Variants in ZNF562 observed in about 807,000 individuals in gnomAD.
ZNF562 encodes zinc finger protein 562.
ZNF562 carries 13 observed loss-of-function variants against 17.5 expected under a neutral mutation model. That is an observed-to-expected ratio of 0.74 (90% CI 0.48 to 1.18). The LOEUF is 1.18. Ranked by LOEUF, ZNF562 falls within the 50% of genes most tolerant of loss-of-function variation. ZNF562 has a pLI of 0.00. For synonymous variants in ZNF562, 163 were observed against 165.4 expected (o/e 0.99, Z 0.11); for missense variants, 481 against 498.5 (o/e 0.96, Z 0.33).
Position 9,649,036 on chromosome 19 carries a change from T to C in ZNF562, c.*3913A>G, listed in dbSNP as rs1375132650. ...AGGGACCCCAAACGGGGGGACTGGC[T>C]GAAGCCATGGCAGAAAAACATGGAT... On this transcript the variant is annotated 3_prime_UTR_variant, in exon 6 of 6. Coordinates refer to ENST00000453372, the MANE Select transcript of ZNF562 (RefSeq NM_001130031.2). 2 of 152,302 alleles carry C rather than the reference T, an allele frequency of 1.3e-5. No individual in the cohort carries two copies. Among genetic ancestry groups the C allele is most frequent in the Non-Finnish European group, 2.9e-5 (2 of 68,044 alleles). The allele number at this position is 152,302 out of a possible 1,614,324, so 9.4% of individuals were successfully genotyped here.
At position 9,669,734 on chromosome 19, in the gene ZNF562, GCACACACACACACA is replaced by G. The variant is rs71188835; in HGVS notation, c.-131+5267_-131+5280del. Among the ~76,000 whole-genome samples the G allele has an allele frequency of 4.8e-4, 53 of 109,340 alleles. 1 individual carries two copies. Among genetic ancestry groups the G allele is most frequent in the East Asian group, 1.2e-3 (4 of 3,370 alleles). 71.7% of individuals were successfully genotyped at this position (109,340 alleles called of 152,430 possible). ...CGCGCGCGAGCGCGCGCGCGCGCGC[GCACACACACACACA>G]CACACACACACACACACACACACAC... is the stretch of plus-strand genomic sequence containing the variant. On this transcript the variant is annotated intron_variant, in intron 1 of 5. Coordinates refer to ENST00000453372, the MANE Select transcript of ZNF562 (RefSeq NM_001130031.2).
At chr19:9,674,956 C>A in intron 1 of ZNF562, 59 bp downstream of exon 1, 1 of 152,758 alleles carries the variant, frequency 6.5e-6, no homozygotes, top group Non-Finnish European at 1.5e-5. Context: ...CGACCACGCC[C>A]AATCCTTCCT....
chr19:9,660,610 GA>G (rs111723152), intron 2 of ZNF562, 109 bp downstream of exon 2: 83,750 of 875,850 alleles, frequency 0.096, 2 homozygotes, highest in East Asian at 0.16. Flanking sequence ...CCATCTAAAA[GA>G]AAAAAAAAAA....
intron 1 of ZNF562, among the ~76,000 whole-genome samples, chr19:9,672,547 A>C (rs546735983): frequency 6.6e-6 from 1 of 152,224 alleles, no homozygotes; most frequent in South Asian, 2.1e-4. Context: ...AAAATGTAAA[A>C]ACTACACTTA....
chr19:9,671,977 T>C (rs1384503412), intron 1 of ZNF562, among the ~76,000 whole-genome samples: 5 of 152,212 alleles, frequency 3.3e-5, no homozygotes, highest in African/African-American at 9.7e-5. Flanking sequence ...CAAACAACTG[T>C]TGTCAGCCTC....
Position 9,647,078 on chromosome 19 carries a change from T to TA in ZNF562, c.*5870dup, listed in dbSNP as rs1568251365. 6.7e-6 allele frequency: 1 copy of TA among 149,060 alleles called. No homozygotes were observed. Among genetic ancestry groups the TA allele is most frequent in the Admixed American group, 6.7e-5 (1 of 14,930 alleles). 9.2% of individuals were successfully genotyped at this position (149,060 alleles called of 1,614,324 possible). A position where few individuals can be genotyped will look rare whatever the true frequency, so the allele number is the denominator to read the frequency against. On this transcript the variant is annotated 3_prime_UTR_variant, in exon 6 of 6. Coordinates refer to ENST00000453372, the MANE Select transcript of ZNF562 (RefSeq NM_001130031.2). ...AAGCCGTGAAGCACCGTGCCCAACC[T>TA]AGTTGTCTTTTTTTTTTTTTTTGAG...
chr19:9,660,834 A>C lies in ZNF562; in HGVS notation c.-90T>G. 5.1e-6 allele frequency: 7 copies of C among 1,372,214 alleles called. No homozygotes were observed. Among genetic ancestry groups the C allele is most frequent in the Non-Finnish European group, 7.2e-6 (7 of 975,652 alleles). 85.0% of individuals were successfully genotyped at this position (1,372,214 alleles called of 1,614,324 possible). A position where few individuals can be genotyped will look rare whatever the true frequency, so the allele number is the denominator to read the frequency against. On this transcript the variant is annotated 5_prime_UTR_variant, in exon 2 of 6. Coordinates refer to ENST00000453372, the MANE Select transcript of ZNF562 (RefSeq NM_001130031.2). ...GCAGCTTATGAATCTAGGTGGATAC[A>C]GGCAATCTCCATTCCCCTTTGTACA...
chr19:9,644,974 A>T lies in ZNF562; in HGVS notation c.*7975T>A, dbSNP rs947698358. 1 of 152,092 alleles carries T rather than the reference A, an allele frequency of 6.6e-6. No homozygotes were observed. The allele number at this position is 152,092 out of a possible 1,614,324, so 9.4% of individuals were successfully genotyped here. A position where few individuals can be genotyped will look rare whatever the true frequency, so the allele number is the denominator to read the frequency against. On this transcript the variant is annotated 3_prime_UTR_variant, in exon 6 of 6. Transcript: ENST00000453372. ...GCCTCCTGAGTCCCTAAGCAGAGGA[A>T]TACGAATTCAAATCTTGATTTTCTC...
At chr19:9,665,845 T>C (rs1395239939) in intron 1 of ZNF562, among the ~76,000 whole-genome samples, 3 of 151,634 alleles carry the variant, frequency 2.0e-5, no homozygotes, top group Non-Finnish European at 4.4e-5. Flanking sequence ...TGAAAACCCA[T>C]CTCTACTAAA....
rs1343055123 is a variant in ZNF562 at position 9,643,693 on chromosome 19, G to A, written c.*9256C>T. 6.6e-6 allele frequency: 1 copy of A among 151,612 alleles called. No homozygotes were observed. Among genetic ancestry groups the A allele is most frequent in the Non-Finnish European group, 1.5e-5 (1 of 67,966 alleles). 9.4% of individuals were successfully genotyped at this position (151,612 alleles called of 1,614,324 possible). On this transcript the variant is annotated 3_prime_UTR_variant, in exon 6 of 6. Transcript: ENST00000453372. ...AATTTTTAAGTTTTTTGTAGATGGG[G>A]GGCTTGCTATGCTGTCCAGGCAGGT... is the stretch of plus-strand genomic sequence containing the variant.
chr19:9,655,519 C>T (rs528257088), intron 5 of ZNF562, among the ~76,000 whole-genome samples: 37 of 151,936 alleles, frequency 2.4e-4, no homozygotes, highest in Non-Finnish European at 3.7e-4. Flanking sequence ...CTCCACCTCC[C>T]GTGTTTAAGC....
At chr19:9,663,720 A>C (rs554016773) in intron 1 of ZNF562, among the ~76,000 whole-genome samples, 1 of 150,976 alleles carries the variant, frequency 6.6e-6, no homozygotes, top group African/African-American at 2.4e-5. Context: ...TCTGTCGCCC[A>C]GGCTGGAGTG....
chr19:9,658,592 G>A (rs1181366775), intron 3 of ZNF562, among the ~76,000 whole-genome samples: 4 of 151,740 alleles, frequency 2.6e-5, no homozygotes, highest in East Asian at 3.9e-4. Context: ...TCATGTGATC[G>A]GCCCACCTCA....
intron 1 of ZNF562, 172 bp downstream of exon 1, chr19:9,674,843 G>C (rs1013105130): frequency 3.3e-5 from 5 of 152,334 alleles, no homozygotes; most frequent in African/African-American, 1.2e-4. Context: ...GACGCAGCCA[G>C]ACGGACTGTG....
rs747571935 is a variant in ZNF562 at position 9,642,516 on chromosome 19, A to G, written c.*10433T>C. ...GCCCTCAAACTCCTGAGCTCAAGCG[A>G]TCATCCTTCCTTGGCCTCCCACATT... On this transcript the variant is annotated 3_prime_UTR_variant, in exon 6 of 6. Transcript: ENST00000453372. 6.6e-6 allele frequency: 1 copy of G among 152,016 alleles called. No homozygotes were observed. The highest frequency in any genetic ancestry group is 1.5e-5 in the Non-Finnish European group (1 of 68,010). 9.4% of individuals were successfully genotyped at this position (152,016 alleles called of 1,614,324 possible).
In ZNF562 at chr19:9,659,397, G is replaced by A; in HGVS notation, c.96C>T (p.His32=). The change falls in exon 3 of 6, where the codon CAC becomes CAT. Residue 32 remains histidine (H), a synonymous_variant. Transcript: ENST00000453372. The stretch of plus-strand genomic sequence containing the variant: ...TGTTTACCTGGTAAGAATTTGACCG[G>A]TGGTCCTCTACCATCGTTCCTATCT... The part of the protein sequence containing the change: ...KTKIGTMVED[H]RSNSYQDSVT... 1 of 1,551,380 alleles carries A rather than the reference G, an allele frequency of 6.4e-7. No homozygotes were observed. The highest frequency in any genetic ancestry group is 8.7e-7 in the Non-Finnish European group (1 of 1,146,808).
At chr19:9,672,777 C>CTT (rs869261585) in intron 1 of ZNF562, among the ~76,000 whole-genome samples, 14,428 of 112,004 alleles carry the variant, frequency 0.13, 1,590 homozygotes, top group African/African-American at 0.3. Context: ...TATTGCCTTT[C>CTT]TTTTTTTTTT....
chr19:9,655,812 A>G (rs763357181), intron 5 of ZNF562, among the ~76,000 whole-genome samples: 51 of 133,726 alleles, frequency 3.8e-4, no homozygotes, highest in Admixed American at 2.0e-3. Flanking sequence ...TGGCTCACTC[A>G]GCAACCTCGG....
At chr19:9,657,794 G>T (rs527714992) in intron 4 of ZNF562, among the ~76,000 whole-genome samples, 68 of 151,740 alleles carry the variant, frequency 4.5e-4, no homozygotes, top group Non-Finnish European at 1.5e-5. Context: ...TGATCTGCCT[G>T]CCTCAGCCTT....
Sources: gnomAD v4.1 joint callset for allele counts (sites outside exome capture counted in the v4.1 genomes callset) on GRCh38, gnomAD v4.1.1 for gene constraint, MANE v1.5 for transcripts, NCBI Gene and HGNC (gene_info 2026-07-23, HGNC 2026-07-21) for gene names.